Variants in LGR6 observed in about 807,000 individuals in gnomAD.
LGR6 encodes leucine-rich repeat-containing G protein-coupled receptor 6.
In LGR6, 45 loss-of-function variants were observed where a neutral mutation model predicts 69.4. That is an observed-to-expected ratio of 0.65 (90% confidence interval 0.51 to 0.83). LGR6 has a LOEUF of 0.83. Ranked by LOEUF, LGR6 falls within the 40% of genes least tolerant of loss-of-function variation. LGR6 has a pLI of 0.00. For missense variants in LGR6, 1,108 were observed against 1,246.7 expected, an observed-to-expected ratio of 0.89 and a Z score of 1.68; for synonymous variants, 538 against 555.0, an observed-to-expected ratio of 0.97 and a Z score of 0.43.
chr1:202,293,503 GT>G (rs910648728), intron 6 of LGR6, among the ~76,000 whole-genome samples: 227 of 147,182 alleles, frequency 1.5e-3, no homozygotes, highest in African/African-American at 3.9e-3. Flanking sequence ...ATAGGAGTGG[GT>G]TTTTTTTTTT....
chr1:202,279,686 T>C (rs1373348769), intron 5 of LGR6, among the ~76,000 whole-genome samples: 1 of 152,238 alleles, frequency 6.6e-6, no homozygotes, highest in Non-Finnish European at 1.5e-5. Context: ...AAACATCAAT[T>C]ATGTTTGTGT....
At chr1:202,205,913 ACCT>A (rs1295718393) in intron 1 of LGR6, among the ~76,000 whole-genome samples, 3 of 149,198 alleles carry the variant, frequency 2.0e-5, no homozygotes, top group Non-Finnish European at 4.5e-5. Flanking sequence ...ACACACACAC[ACCT>A]CCTTCAAACA....
chr1:202,235,188 T>C (rs1362043902), intron 3 of LGR6, among the ~76,000 whole-genome samples: 2 of 152,140 alleles, frequency 1.3e-5, no homozygotes, highest in African/African-American at 4.8e-5. Flanking sequence ...CCCTTGTACA[T>C]GCTCTCTGAC....
At chr1:202,269,441 T>C (rs961766424) in intron 4 of LGR6, among the ~76,000 whole-genome samples, 3 of 152,150 alleles carry the variant, frequency 2.0e-5, no homozygotes, top group Admixed American at 6.5e-5. Context: ...TTGCCCTCCT[T>C]TCCTACTCTG....
intron 16 of LGR6, among the ~76,000 whole-genome samples, chr1:202,312,452 TG>T (rs1653817978): frequency 6.6e-6 from 1 of 152,164 alleles, no homozygotes; most frequent in Non-Finnish European, 1.5e-5. Flanking sequence ...GCCCTGATGG[TG>T]TCTGGGCCAG....
rs180891994 is a variant in LGR6, at chr1:202,308,900, G to A, written c.1281-151G>A. On this transcript the variant is annotated intron_variant, in intron 14 of 17. Coordinates refer to ENST00000367278, the MANE Select transcript of LGR6 (RefSeq NM_001017403.2). ...CAACTCTTGGCTGCCCTCCTCCCTC[G>A]GCATTCAATGCTCTCTTCTAAGCTT... 48 of 888,306 alleles carry A rather than the reference G, an allele frequency of 5.4e-5. No individual in the cohort carries two copies. In the East Asian group the frequency reaches 9.4e-4, roughly 17 times the overall value. 55.0% of individuals were successfully genotyped at this position (888,306 alleles called of 1,614,324 possible). A position where few individuals can be genotyped will look rare whatever the true frequency, so the allele number is the denominator to read the frequency against.
chr1:202,297,499 C>G lies in LGR6; in HGVS notation c.717-9C>G, dbSNP rs372150085. 4.3e-6 allele frequency: 7 copies of G among 1,612,134 alleles called. No individual in the cohort carries two copies. The highest frequency in any genetic ancestry group is 4.0e-5 in the African/African-American group (3 of 74,798). ...TTTGCCCTAATGACTGCTCTGCTTTCTGTTCCAGAGACCTGAATTATAACA... is the reference window on the plus strand; with the variant it reads ...TTTGCCCTAATGACTGCTCTGCTTTGTGTTCCAGAGACCTGAATTATAACA... On this transcript the variant is annotated splice_polypyrimidine_tract_variant and intron_variant, in intron 6 of 17. Transcript: ENST00000367278.
At chr1:202,225,108 G>C (rs1660420641) in intron 1 of LGR6, among the ~76,000 whole-genome samples, 1 of 152,188 alleles carries the variant, frequency 6.6e-6, no homozygotes, top group Non-Finnish European at 1.5e-5. Context: ...TTTATAGGGA[G>C]GCCAGTTTCC....
At chr1:202,270,433 G>A (rs112134140) in intron 4 of LGR6, among the ~76,000 whole-genome samples, 1 of 151,814 alleles carries the variant, frequency 6.6e-6, no homozygotes, top group Middle Eastern at 3.4e-3. Flanking sequence ...GTAGAGATGG[G>A]GTTTCCCCAT....
intron 4 of LGR6, among the ~76,000 whole-genome samples, chr1:202,238,085 G>C (rs903384706): frequency 1.3e-5 from 2 of 150,554 alleles, no homozygotes; most frequent in African/African-American, 4.9e-5. Context: ...TTTTTGTTTT[G>C]TTTTGTTTTT....
intron 4 of LGR6, among the ~76,000 whole-genome samples, chr1:202,237,153 A>G (rs966995275): frequency 6.6e-6 from 1 of 152,170 alleles, no homozygotes; most frequent in Non-Finnish European, 1.5e-5. Flanking sequence ...CCAGTGGCAG[A>G]ACCTGCCTCC....
chr1:202,254,519 A>AC (rs1391452731), intron 4 of LGR6, among the ~76,000 whole-genome samples: 2 of 152,244 alleles, frequency 1.3e-5, no homozygotes, highest in Non-Finnish European at 2.9e-5. Flanking sequence ...AATGTGGGTC[A>AC]TTCCTTCCAT....
At chr1:202,228,930 G>A (rs1660784840) in intron 3 of LGR6, among the ~76,000 whole-genome samples, 2 of 152,156 alleles carry the variant, frequency 1.3e-5, no homozygotes, top group South Asian at 2.1e-4. Context: ...TGACTTGCAG[G>A]TCTCCTTTGT....
At chr1:202,224,086 T>C (rs568115839) in intron 1 of LGR6, among the ~76,000 whole-genome samples, 1 of 152,064 alleles carries the variant, frequency 6.6e-6, no homozygotes, top group African/African-American at 2.4e-5. Flanking sequence ...GTCTGATAGG[T>C]AACTGCAGAG....
At chr1:202,194,275 C>A in intron 1 of LGR6, 74 bp downstream of exon 1, 2 of 1,104,370 alleles carry the variant, frequency 1.8e-6, no homozygotes, top group African/African-American at 1.6e-5. Flanking sequence ...CTCAGCAGGG[C>A]ACCTGCTTGC....
chr1:202,305,354 G>T (rs1470536019), intron 11 of LGR6, among the ~76,000 whole-genome samples: 5 of 152,206 alleles, frequency 3.3e-5, no homozygotes, highest in Non-Finnish European at 7.3e-5. Flanking sequence ...GCATTGCTCA[G>T]TGAGGTCCAA....
At chr1:202,306,753 T>C (rs757902074) in intron 12 of LGR6, 115 bp from the exon 13 acceptor site, 10 of 962,798 alleles carry the variant, frequency 1.0e-5, no homozygotes, top group African/African-American at 3.2e-5. Context: ...GGGCCCTTTC[T>C]TCCTGTGCCA....
intron 1 of LGR6, chr1:202,197,572 G>A (rs184787999): frequency 2.9e-5 from 12 of 418,966 alleles, no homozygotes; most frequent in Middle Eastern, 3.9e-4. Flanking sequence ...TGATGGTGAC[G>A]AGAAGGCATG....
chr1:202,263,341 C>G (rs1420057518), intron 4 of LGR6, among the ~76,000 whole-genome samples: 1 of 152,150 alleles, frequency 6.6e-6, no homozygotes, highest in African/African-American at 2.4e-5. Flanking sequence ...CCAGGCTGGT[C>G]TCGAACTCCT....
Sources: gnomAD v4.1 joint callset for allele counts (sites outside exome capture counted in the v4.1 genomes callset) on GRCh38, gnomAD v4.1.1 for gene constraint, MANE v1.5 for transcripts, NCBI Gene and HGNC (gene_info 2026-07-23, HGNC 2026-07-21) for gene names.